CELF4: variants seen among roughly 807,000 people sequenced by gnomAD.
The protein encoded by CELF4 is CUGBP Elav-like family member 4, also known as CUG-BP- and ETR-3-like factor 4.
CELF4 carries 18 observed loss-of-function variants against 59.9 expected under a neutral mutation model. The ratio of observed to expected loss-of-function variants is 0.30; its 90% confidence interval spans 0.21 to 0.45. CELF4 has a LOEUF of 0.45. Among genes scored for constraint, CELF4 ranks in the 20% least tolerant of loss-of-function variants. CELF4 has a pLI of 1.00. For synonymous variants in CELF4, 261 were observed against 267.1 expected (o/e 0.98, Z 0.22); for missense variants, 456 against 689.0 (o/e 0.66, Z 3.79).
In CELF4 at chr18:37,477,498, GACC is replaced by G. The variant is rs1423714574; in HGVS notation, c.369+8024_369+8026del. Among the ~76,000 whole-genome samples the G allele has an allele frequency of 4.6e-5, 7 of 152,246 alleles. No individual in the cohort carries two copies. The East Asian group carries it at 1.4e-3, about 29-fold the overall frequency. On this transcript the variant is annotated intron_variant, in intron 2 of 12. Transcript: ENST00000420428. ...AGCCTGGGTGGTTTGCAGGTGGTGG[GACC>G]TTTATTTTACAATGACACCCTTGGC...
chr18:37,389,674 G>A (rs1046817094), intron 2 of CELF4, among the ~76,000 whole-genome samples: 4 of 152,102 alleles, frequency 2.6e-5, no homozygotes, highest in Non-Finnish European at 4.4e-5. Context: ...CCTGAGGATG[G>A]TCACCGCATC....
intron 9 of CELF4, among the ~76,000 whole-genome samples, chr18:37,265,021 ATG>A (rs1333976031): frequency 5.4e-5 from 8 of 147,200 alleles, no homozygotes; most frequent in East Asian, 4.0e-4. Context: ...ACGTGTGGGG[ATG>A]TGTGTGTACG....
chr18:37,319,800 G>C (rs1184461735), intron 3 of CELF4, among the ~76,000 whole-genome samples: 6 of 152,150 alleles, frequency 3.9e-5, no homozygotes, highest in Admixed American at 1.3e-4. Context: ...CAGAGCACTG[G>C]GCCTGGGCCT....
intron 1 of CELF4, among the ~76,000 whole-genome samples, chr18:37,489,297 T>C (rs1032099830): frequency 3.3e-5 from 5 of 152,224 alleles, no homozygotes; most frequent in Admixed American, 3.3e-4. Flanking sequence ...AAGGGACCAG[T>C]CTGCTCCCTG....
At chr18:37,389,050 G>A (rs1157208033) in intron 2 of CELF4, among the ~76,000 whole-genome samples, 1 of 152,172 alleles carries the variant, frequency 6.6e-6, no homozygotes, top group East Asian at 1.9e-4. Flanking sequence ...GTGGGAGTTA[G>A]CCCCCACCCC....
intron 3 of CELF4, among the ~76,000 whole-genome samples, chr18:37,311,063 C>G (rs2096628870): frequency 6.6e-6 from 1 of 151,952 alleles, no homozygotes; most frequent in African/African-American, 2.4e-5. Flanking sequence ...TATCCCATTT[C>G]CCCTGAAACA....
At chr18:37,439,927 G>A (rs2099707083) in intron 2 of CELF4, among the ~76,000 whole-genome samples, 1 of 152,164 alleles carries the variant, frequency 6.6e-6, no homozygotes. Context: ...AGGTAGACAT[G>A]AACACTACAG....
At chr18:37,532,634 T>TAA (rs764638359) in intron 1 of CELF4, among the ~76,000 whole-genome samples, 4 of 142,778 alleles carry the variant, frequency 2.8e-5, no homozygotes, top group African/African-American at 1.0e-4. Context: ...AGTAGAAAAT[T>TAA]AAAAAAAAAA....
chr18:37,284,406 C>G (rs2094528563), intron 3 of CELF4, among the ~76,000 whole-genome samples: 1 of 152,170 alleles, frequency 6.6e-6, no homozygotes, highest in Admixed American at 6.5e-5. Context: ...CCTCTGGGAG[C>G]CTGGCCTGGG....
At chr18:37,533,169 G>C (rs1011977859) in intron 1 of CELF4, among the ~76,000 whole-genome samples, 6 of 152,234 alleles carry the variant, frequency 3.9e-5, no homozygotes, top group African/African-American at 7.2e-5. Flanking sequence ...GGCTGCTTAC[G>C]CACGAATGTC....
chr18:37,360,376 A>G (rs1376286095), intron 2 of CELF4, among the ~76,000 whole-genome samples: 2 of 152,214 alleles, frequency 1.3e-5, no homozygotes, highest in African/African-American at 4.8e-5. Context: ...CTGCACAGGA[A>G]CCAGCCTGCT....
intron 2 of CELF4, among the ~76,000 whole-genome samples, chr18:37,342,481 G>A (rs113258802): frequency 1.3e-5 from 2 of 152,296 alleles, no homozygotes; most frequent in African/African-American, 2.4e-5. Context: ...CTCGGAGGGT[G>A]AGAGGCCTCT....
intron 1 of CELF4, among the ~76,000 whole-genome samples, chr18:37,560,892 C>A (rs540098536): frequency 2.2e-4 from 34 of 152,284 alleles, no homozygotes; most frequent in African/African-American, 8.2e-4. Flanking sequence ...ATCTTAAACA[C>A]AAATACAAGA....
chr18:37,533,897 G>T (rs754213509), intron 1 of CELF4, among the ~76,000 whole-genome samples: 7 of 152,178 alleles, frequency 4.6e-5, no homozygotes, highest in Admixed American at 2.0e-4. Context: ...AAAGCAGTGG[G>T]GTGGTCCTGG....
chr18:37,474,324 C>T lies in CELF4; in HGVS notation c.369+11201G>A, dbSNP rs16968963. On this transcript the variant is annotated intron_variant, in intron 2 of 12. Transcript: ENST00000420428. Reference sequence around the variant, plus strand: ...GCCTTCCATTCAGAACAGGACTTCTCCAATGCAGAGGTAGGCCAGGTGTGT... The same window carrying T: ...GCCTTCCATTCAGAACAGGACTTCTTCAATGCAGAGGTAGGCCAGGTGTGT... Among the ~76,000 whole-genome samples the T allele has an allele frequency of 3.3e-3, 505 of 152,354 alleles. 4 individuals are homozygous for T. Among genetic ancestry groups the T allele is most frequent in the African/African-American group, 0.012 (479 of 41,576 alleles).
intron 2 of CELF4, among the ~76,000 whole-genome samples, chr18:37,350,378 C>T (rs1402496576): frequency 1.3e-5 from 2 of 152,184 alleles, no homozygotes; most frequent in South Asian, 2.1e-4. Context: ...AGACCACGCG[C>T]GCTCCTCTTC....
At chr18:37,369,428 C>T (rs1369757389) in intron 2 of CELF4, among the ~76,000 whole-genome samples, 2 of 152,166 alleles carry the variant, frequency 1.3e-5, no homozygotes, top group Non-Finnish European at 2.9e-5. Context: ...GACCAAATGT[C>T]ACCTTTGCCC....
intron 3 of CELF4, among the ~76,000 whole-genome samples, chr18:37,298,460 CT>C (rs1287639361): frequency 1.3e-5 from 2 of 152,160 alleles, no homozygotes; most frequent in African/African-American, 4.8e-5. Context: ...TGGCTCACAC[CT>C]GTAATCCCAG....
intron 1 of CELF4, among the ~76,000 whole-genome samples, chr18:37,562,958 T>C (rs2099987001): frequency 6.6e-6 from 1 of 152,154 alleles, no homozygotes; most frequent in Admixed American, 6.5e-5. Flanking sequence ...CCGGAGCTAG[T>C]GGGCCTGCTT....
Sources: allele counts gnomAD v4.1 joint callset (sites outside exome capture counted in the v4.1 genomes callset), GRCh38; gene constraint gnomAD v4.1.1; transcripts MANE v1.5; gene names NCBI Gene and HGNC (gene_info 2026-07-23, HGNC 2026-07-21).